REEP1: variants seen among roughly 807,000 people sequenced by gnomAD.
REEP1 encodes receptor expression-enhancing protein 1.
Under a neutral mutation model 40.3 loss-of-function variants are expected in REEP1, and 22 were observed. That is an observed-to-expected ratio of 0.55 (90% CI 0.39 to 0.78). The LOEUF is 0.78. Among genes scored for constraint, REEP1 ranks in the 30% least tolerant of loss-of-function variants. The pLI is 0.00. For synonymous variants in REEP1, 116 were observed against 139.2 expected (o/e 0.83, Z 1.17); for missense variants, 280 against 361.1 (o/e 0.78, Z 1.82).
intron 7 of REEP1, chr2:86,223,672 C>T (rs528721650): frequency 6.6e-6 from 1 of 152,262 alleles, no homozygotes; most frequent in Non-Finnish European, 1.5e-5. Flanking sequence ...TGCTCTAAAC[C>T]TCAGGCAGCT....
chr2:86,273,879 C>T (rs897865761), intron 2 of REEP1, among the ~76,000 whole-genome samples: 30 of 152,266 alleles, frequency 2.0e-4, no homozygotes, highest in Admixed American at 9.1e-4. Flanking sequence ...ATTGTAAGCT[C>T]CCTGAGGGTG....
intron 5 of REEP1, among the ~76,000 whole-genome samples, chr2:86,243,227 C>T (rs978984337): frequency 6.6e-6 from 1 of 152,068 alleles, no homozygotes; most frequent in Non-Finnish European, 1.5e-5. Flanking sequence ...AGGAGGCAAA[C>T]ATGAGAGGGG....
At chr2:86,227,462 C>A in intron 6 of REEP1, 64 bp from the exon 7 acceptor site, 4 of 1,216,848 alleles carry the variant, frequency 3.3e-6, no homozygotes, top group Non-Finnish European at 3.1e-6. Context: ...CAGCCCCGGG[C>A]AAACAGGGAG....
At chr2:86,292,896 G>A (rs1678799298) in intron 1 of REEP1, among the ~76,000 whole-genome samples, 1 of 152,144 alleles carries the variant, frequency 6.6e-6, no homozygotes, top group African/African-American at 2.4e-5. Context: ...TTGAGTGCAT[G>A]TGTCGGTCTG....
intron 5 of REEP1, among the ~76,000 whole-genome samples, chr2:86,234,312 G>C (rs1037200719): frequency 6.6e-6 from 1 of 152,102 alleles, no homozygotes; most frequent in South Asian, 2.1e-4. Flanking sequence ...GAGTCCAGGA[G>C]TTCGAGACCA....
At chr2:86,229,598 CTTTTT>C (rs70956106) in intron 6 of REEP1, among the ~76,000 whole-genome samples, 22 of 114,456 alleles carry the variant, frequency 1.9e-4, no homozygotes, top group African/African-American at 5.9e-4. Flanking sequence ...ACCTGTCTTC[CTTTTT>C]TTTTTTTTTT....
intron 2 of REEP1, among the ~76,000 whole-genome samples, chr2:86,272,146 C>T (rs997216980): frequency 2.6e-5 from 4 of 152,122 alleles, no homozygotes; most frequent in African/African-American, 4.8e-5. Context: ...TGCTTGAATC[C>T]GGGAAGTGGA....
At position 86,232,621 on chromosome 2, in the gene REEP1, C is replaced by T. The variant is rs1281247920; in HGVS notation, c.595+4G>A. 2 of 1,612,460 alleles carry T rather than the reference C, an allele frequency of 1.2e-6. No individual in the cohort carries two copies. Among genetic ancestry groups the T allele is most frequent in the South Asian group, 2.2e-5 (2 of 91,086 alleles). The stretch of plus-strand genomic sequence containing the variant: ...GGAAAGAGGGGAAGTAAAGTGACAC[C>T]TACCTGAGCTGCTAGCGCTCTCAGA... On this transcript the variant is annotated splice_donor_region_variant and intron_variant, in intron 6 of 8. Transcript: ENST00000538924.
chr2:86,337,572 G>GGCT lies in REEP1; in HGVS notation c.-65_-63dup. The GGCT allele has an allele frequency of 8.4e-7, 1 of 1,192,278 alleles. No homozygotes were observed. Among genetic ancestry groups the GGCT allele is most frequent in the East Asian group, 3.7e-5 (1 of 26,836 alleles). 73.9% of individuals were successfully genotyped at this position (1,192,278 alleles called of 1,614,324 possible). ...GCTCGGCTAGGCTGCGGGCGGCGCG[G>GGCT]GCTGCTGCGGCGTTCCCGGAACGTC... On this transcript the variant is annotated 5_prime_UTR_variant, in exon 1 of 9. Transcript: ENST00000538924. The surrounding 1 kb of genome is among the most constrained non-coding windows in gnomAD (Gnocchi z 5.8).
chr2:86,296,293 G>T (rs28527367), intron 1 of REEP1, among the ~76,000 whole-genome samples: 1 of 152,124 alleles, frequency 6.6e-6, no homozygotes, highest in South Asian at 2.1e-4. Flanking sequence ...AAAACTCTAC[G>T]AAGTAGACAT....
At chr2:86,251,485 T>C (rs1574034801) in intron 5 of REEP1, 1 of 198,388 alleles carries the variant, frequency 5.0e-6, no homozygotes, top group South Asian at 9.5e-5. Context: ...CTGGGCCACA[T>C]GATCGTGAGT....
chr2:86,236,873 A>T (rs1203919002), intron 5 of REEP1, among the ~76,000 whole-genome samples: 6 of 152,062 alleles, frequency 3.9e-5, no homozygotes, highest in Admixed American at 3.3e-4. Context: ...TAGCTGGGAC[A>T]ACAGGTGCCC....
chr2:86,334,548 A>G (rs767640154), intron 1 of REEP1, among the ~76,000 whole-genome samples: 8 of 152,222 alleles, frequency 5.3e-5, no homozygotes, highest in Non-Finnish European at 7.3e-5. Context: ...TGTGTCCCTG[A>G]GCAAGGCATA....
At chr2:86,277,422 G>T (rs1486399609) in intron 2 of REEP1, among the ~76,000 whole-genome samples, 2 of 152,048 alleles carry the variant, frequency 1.3e-5, no homozygotes, top group Admixed American at 1.3e-4. Flanking sequence ...CAGGCATGGT[G>T]CTGCATGCCT....
chr2:86,295,175 C>T (rs910665750), intron 1 of REEP1, among the ~76,000 whole-genome samples: 1 of 152,362 alleles, frequency 6.6e-6, no homozygotes, highest in East Asian at 1.9e-4. Flanking sequence ...GGAACAAATG[C>T]AGCTCGCAGC....
rs562608680 is a variant in REEP1 at position 86,317,808 on chromosome 2, A to G, written c.32+19671T>C. Among the ~76,000 whole-genome samples, 29 of 152,364 alleles carry G rather than the reference A, an allele frequency of 1.9e-4. No homozygotes were observed. In the East Asian group the frequency reaches 4.6e-3, roughly 24 times the overall value. ...TCATACAGTGTTTCTGCTGCATACT[A>G]AAGTATAATGATTGTCTAGAGGAAA... is the stretch of plus-strand genomic sequence containing the variant. On this transcript the variant is annotated intron_variant, in intron 1 of 8. Coordinates refer to ENST00000538924, the MANE Select transcript of REEP1 (RefSeq NM_001371279.1).
intron 1 of REEP1, among the ~76,000 whole-genome samples, chr2:86,288,962 G>T (rs1398413946): frequency 1.3e-5 from 2 of 152,008 alleles, no homozygotes; most frequent in Non-Finnish European, 2.9e-5. Flanking sequence ...GTGATTTTTA[G>T]GAATTCTTTG....
chr2:86,274,763 G>A (rs1373274758), intron 2 of REEP1, among the ~76,000 whole-genome samples: 5 of 152,164 alleles, frequency 3.3e-5, no homozygotes, highest in Non-Finnish European at 5.9e-5. Context: ...CAAATGGAAC[G>A]TTGACAGTAT....
intron 1 of REEP1, among the ~76,000 whole-genome samples, chr2:86,292,788 G>T (rs1302628267): frequency 6.6e-6 from 1 of 152,104 alleles, no homozygotes; most frequent in Non-Finnish European, 1.5e-5. Flanking sequence ...TGGTCAGCGG[G>T]TATCTGTGGG....
Sources: allele counts gnomAD v4.1 joint callset (sites outside exome capture counted in the v4.1 genomes callset), GRCh38; gene constraint gnomAD v4.1.1; non-coding constraint Gnocchi (gnomAD v3.1); transcripts MANE v1.5; gene names NCBI Gene and HGNC (gene_info 2026-07-23, HGNC 2026-07-21).